The following FST variants were observed in gnomAD, a reference collection of about 807,000 sequenced individuals.
FST encodes the protein activin-binding protein.
Under a neutral mutation model 38.4 loss-of-function variants are expected in FST, and 6 were observed. The observed-to-expected ratio is 0.16, with a 90% confidence interval of 0.09 to 0.31. FST has a LOEUF of 0.31. Among genes scored for constraint, FST ranks in the 10% least tolerant of loss-of-function variants. The pLI, the probability that FST is intolerant of heterozygous loss-of-function variation, is 1.00. For synonymous variants in FST, 157 were observed against 169.8 expected, an observed-to-expected ratio of 0.92 and a Z score of 0.59; for missense variants, 301 against 432.3, an observed-to-expected ratio of 0.70 and a Z score of 2.69.
intron 1 of FST, 107 bp downstream of exon 1, chr5:53,480,983 T>C (rs940689552): frequency 5.9e-5 from 26 of 437,590 alleles, no homozygotes; most frequent in African/African-American, 3.5e-4. Flanking sequence ...TCGGAAGATG[T>C]TGAACCAACT....
Position 53,483,453 on chromosome 5 carries a change from C to G in FST, c.278-51C>G, listed in dbSNP as rs770262328. ...GGCACCCGAAGCCCTCCTGGCTGAC[C>G]TGCAGACTGCCTGGCTCTGGTTTTA... On this transcript the variant is annotated intron_variant, in intron 2 of 5. Coordinates refer to ENST00000256759, the MANE Select transcript of FST (RefSeq NM_013409.3). This position sits in a 1 kb window ranked among gnomAD's most constrained non-coding sequence, Gnocchi z 4.1. 1 of 1,471,142 alleles carries G rather than the reference C, an allele frequency of 6.8e-7. No individual in the cohort carries two copies. Among genetic ancestry groups the G allele is most frequent in the Non-Finnish European group, 9.5e-7 (1 of 1,054,420 alleles). 91.1% of individuals were successfully genotyped at this position (1,471,142 alleles called of 1,614,324 possible).
intron 1 of FST, among the ~76,000 whole-genome samples, chr5:53,481,480 A>AAAAAAAAAAAAAAAAAAC: frequency 6.7e-6 from 1 of 150,220 alleles, no homozygotes; most frequent in Non-Finnish European, 1.5e-5. Context: ...AAAAAAAAAA[A>AAAAAAAAAAAAAAAAAAC]AAAAAAGCCA....
At chr5:53,481,115 T>A (rs1250429954) in intron 1 of FST, among the ~76,000 whole-genome samples, 1 of 151,926 alleles carries the variant, frequency 6.6e-6, no homozygotes, top group Non-Finnish European at 1.5e-5. Context: ...GTCTTAGTAG[T>A]TAGGGTTAAA....
Position 53,482,993 on chromosome 5 carries a change from G to A in FST, c.199G>A (p.Glu67Lys), listed in dbSNP as rs766452719. ...CGGCCGGCTGAGCACCTCGTGGACC[G>A]AGGAGGACGTGAATGACAACACACT... ...STGRLSTSWT[E>K]EDVNDNTLFK... Residue 67 changes from glutamate (E) to lysine (K), a missense_variant, in exon 2 of 6, where the codon GAG (glutamate) becomes AAG (lysine). Glu to Lys is a moderately conservative substitution (Grantham distance 56, BLOSUM62 1). Coordinates refer to ENST00000256759, the MANE Select transcript of FST (RefSeq NM_013409.3). 1.9e-6 allele frequency: 3 copies of A among 1,613,898 alleles called. No individual in the cohort carries two copies. Among genetic ancestry groups the A allele is most frequent in the Non-Finnish European group, 1.7e-6 (2 of 1,179,764 alleles).
In FST at chr5:53,483,026, T is replaced by C; in HGVS notation, c.232T>C (p.Trp78Arg). 1 of 1,613,952 alleles carries C rather than the reference T, an allele frequency of 6.2e-7. No homozygotes were observed. Among genetic ancestry groups the C allele is most frequent in the Non-Finnish European group, 8.5e-7 (1 of 1,179,896 alleles). ...EDVNDNTLFKWMIFNGGAPNC... is the reference protein window; with the variant it reads ...EDVNDNTLFKRMIFNGGAPNC... ...CGTGAATGACAACACACTCTTCAAG[T>C]GGATGATTTTCAACGGGGGCGCCCC... Residue 78 changes from tryptophan to arginine, a missense_variant, in exon 2 of 6, where the codon TGG becomes CGG. Physicochemically the swap from Trp to Arg is moderately radical, Grantham distance 101. Coordinates refer to ENST00000256759, the MANE Select transcript of FST (RefSeq NM_013409.3). The surrounding 1 kb of genome is among the most constrained non-coding windows in gnomAD (Gnocchi z 4.1).
chr5:53,482,688 G>C, intron 1 of FST, 192 bp from the exon 2 acceptor site: 1 of 506,374 alleles, frequency 2.0e-6, no homozygotes, highest in Non-Finnish European at 3.5e-6. Context: ...CCCCTCCACT[G>C]CCTTCTTTTT....
intron 1 of FST, among the ~76,000 whole-genome samples, chr5:53,481,992 C>G (rs917842247): frequency 6.6e-6 from 1 of 152,252 alleles, no homozygotes; most frequent in African/African-American, 2.4e-5. Context: ...GGGTTGCCCG[C>G]CTTTAGAGGA....
rs374816280 is a variant in FST at position 53,482,835 on chromosome 5, G to T, written c.86-45G>T. ...ACCTCGCTCTCCCTGCCCTGCCACC[G>T]CTCACTGCTCACTCACCCACCTCCC... On this transcript the variant is annotated intron_variant, in intron 1 of 5. Transcript: ENST00000256759. 1.5e-5 allele frequency: 18 copies of T among 1,204,950 alleles called. No individual in the cohort carries two copies. The African/African-American group carries it at 1.7e-4, about 11-fold the overall frequency. 74.6% of individuals were successfully genotyped at this position (1,204,950 alleles called of 1,614,324 possible). A position where few individuals can be genotyped will look rare whatever the true frequency, so the allele number is the denominator to read the frequency against.
chr5:53,483,970 C>T lies in FST; in HGVS notation c.497-99C>T. On this transcript the variant is annotated intron_variant, in intron 3 of 5. Transcript: ENST00000256759. The surrounding 1 kb of genome is among the most constrained non-coding windows in gnomAD (Gnocchi z 4.1). ...GGGCTCCCTAAGTGCCTTTTGAAAGCTGGATGCTTCAGTGTCATGATTTCC... is the reference window on the plus strand; with the variant it reads ...GGGCTCCCTAAGTGCCTTTTGAAAGTTGGATGCTTCAGTGTCATGATTTCC... 1 of 1,033,852 alleles carries T rather than the reference C, an allele frequency of 9.7e-7. No individual in the cohort carries two copies. The highest frequency in any genetic ancestry group is 1.5e-6 in the Non-Finnish European group (1 of 687,958). The allele number at this position is 1,033,852 out of a possible 1,614,324, so 64.0% of individuals were successfully genotyped here. A position where few individuals can be genotyped will look rare whatever the true frequency, so the allele number is the denominator to read the frequency against.
At chr5:53,482,612 G>A (rs1049198013) in intron 1 of FST, 2 of 464,336 alleles carry the variant, frequency 4.3e-6, no homozygotes, top group Non-Finnish European at 7.5e-6. Flanking sequence ...TGGCTGGGGC[G>A]CCCTGTCTTC....
At chr5:53,482,818 C>T (rs1747319208) in intron 1 of FST, 62 bp from the exon 2 acceptor site, 2 of 1,055,022 alleles carry the variant, frequency 1.9e-6, no homozygotes, top group Admixed American at 4.4e-5. Flanking sequence ...CCACCTCGCT[C>T]TCCCTGCCCT....
At chr5:53,482,308 TTTC>T (rs1166054187) in intron 1 of FST, among the ~76,000 whole-genome samples, 1 of 150,114 alleles carries the variant, frequency 6.7e-6, no homozygotes, top group African/African-American at 2.5e-5. Flanking sequence ...CTTTCTCTTC[TTTC>T]TTTTCTTTCT....
chr5:53,484,355 G>A, intron 4 of FST, 62 bp downstream of exon 4: 2 of 1,541,150 alleles, frequency 1.3e-6, no homozygotes, highest in East Asian at 2.3e-5. Context: ...ATTAAACTGT[G>A]GGGTTAACTA....
At chr5:53,482,648 C>G (rs1747306838) in intron 1 of FST, 1 of 485,194 alleles carries the variant, frequency 2.1e-6, no homozygotes, top group African/African-American at 2.0e-5. Context: ...CTCCCTCTCG[C>G]CCACCTCCCA....
Position 53,486,611 on chromosome 5 carries a change from A to T in FST, c.*578A>T, listed in dbSNP as rs1747561647. On this transcript the variant is annotated 3_prime_UTR_variant, in exon 6 of 6. Transcript: ENST00000256759. The stretch of plus-strand genomic sequence containing the variant: ...ACATGATCCCTCGGGTTTTGTTTAC[A>T]AGGAACCTTGACTGACCAAAAGGCA... The T allele has an allele frequency of 6.6e-6, 1 of 152,290 alleles. No homozygotes were observed. The highest frequency in any genetic ancestry group is 2.4e-5 in the African/African-American group (1 of 41,462). 9.4% of individuals were successfully genotyped at this position (152,290 alleles called of 1,614,324 possible).
At chr5:53,482,753 C>T (rs2070858) in intron 1 of FST, 127 bp from the exon 2 acceptor site, 11,276 of 588,454 alleles carry the variant, frequency 0.019, 572 homozygotes, top group East Asian at 0.14. Context: ...GTCTCTCTCA[C>T]TTCCCCTCCT....
chr5:53,485,279 C>A (rs546774877), intron 5 of FST, 52 bp downstream of exon 5: 15 of 956,462 alleles, frequency 1.6e-5, no homozygotes, highest in South Asian at 5.2e-5. Flanking sequence ...CAGGCAATCC[C>A]TAGGGAATGG....
At chr5:53,482,640 C>T (rs1747306289) in intron 1 of FST, 2 of 482,120 alleles carry the variant, frequency 4.1e-6, no homozygotes, top group Non-Finnish European at 7.3e-6. Flanking sequence ...CTCCCTCCCT[C>T]CCTCTCGCCC....
chr5:53,485,101 G>C lies in FST; in HGVS notation c.826G>C (p.Asp276His). 1 of 1,611,914 alleles carries C rather than the reference G, an allele frequency of 6.2e-7. No individual in the cohort carries two copies. Among genetic ancestry groups the C allele is most frequent in the Non-Finnish European group, 8.5e-7 (1 of 1,177,950 alleles). The change falls in exon 5 of 6, where the codon GAC becomes CAC. Residue 276 changes from aspartate to histidine, a missense_variant. By Grantham distance (81) the Asp-to-His change is moderately conservative. Transcript: ENST00000256759. Reference sequence around the variant, plus strand: ...TTCCCTCTGTGATGAGCTGTGCCCTGACAGTAAGTCGGATGAGCCTGTCTG... The same window carrying C: ...TTCCCTCTGTGATGAGCTGTGCCCTCACAGTAAGTCGGATGAGCCTGTCTG... The part of the protein sequence containing the change: ...RCSLCDELCP[D>H]SKSDEPVCAS...
Sources: allele counts gnomAD v4.1 joint callset (sites outside exome capture counted in the v4.1 genomes callset), GRCh38; gene constraint gnomAD v4.1.1; non-coding constraint Gnocchi (gnomAD v3.1); transcripts MANE v1.5; gene names NCBI Gene and HGNC (gene_info 2026-07-23, HGNC 2026-07-21).